The following ADAMTS17 variants were observed in gnomAD, a reference collection of about 807,000 sequenced individuals.
ADAMTS17 encodes A disintegrin and metalloproteinase with thrombospondin motifs 17.
A neutral mutation model predicts 141.5 loss-of-function variants in ADAMTS17; 113 were observed. The observed-to-expected ratio is 0.80, with a 90% CI of 0.69 to 0.93. The LOEUF is 0.93. ADAMTS17 is among the 40% of genes least tolerant of loss of function. The pLI is 0.00. For missense variants in ADAMTS17, 1,659 were observed against 1,517.9 expected (o/e 1.09, Z -1.54); for synonymous variants, 768 against 630.6 (o/e 1.22, Z -3.27).
intron 3 of ADAMTS17, among the ~76,000 whole-genome samples, chr15:100,326,539 G>A (rs1027948957): frequency 6.6e-6 from 1 of 152,206 alleles, no homozygotes; most frequent in African/African-American, 2.4e-5. Flanking sequence ...TGTTAACTGT[G>A]TGGGCTGTAA....
chr15:100,005,536 G>A (rs570699168), intron 18 of ADAMTS17, among the ~76,000 whole-genome samples: 1 of 152,042 alleles, frequency 6.6e-6, no homozygotes, highest in Non-Finnish European at 1.5e-5. Context: ...TTCTCACACT[G>A]TGTCACTCCG....
At chr15:100,126,984 A>T (rs1237024885) in intron 12 of ADAMTS17, among the ~76,000 whole-genome samples, 1 of 152,248 alleles carries the variant, frequency 6.6e-6, no homozygotes, top group Non-Finnish European at 1.5e-5. Context: ...CCCCATTTGA[A>T]GCAGGCTGTC....
intron 8 of ADAMTS17, among the ~76,000 whole-genome samples, chr15:100,157,888 C>T (rs1486364000): frequency 9.9e-5 from 14 of 141,458 alleles, no homozygotes; most frequent in African/African-American, 1.8e-4. Context: ...TAGCTATATT[C>T]TTTTTTTTTT....
chr15:99,977,946 G>A (rs1021712061), intron 20 of ADAMTS17, among the ~76,000 whole-genome samples: 4 of 152,220 alleles, frequency 2.6e-5, no homozygotes, highest in African/African-American at 9.6e-5. Context: ...TCTGAGAGCA[G>A]TCAGCAAAAC....
intron 15 of ADAMTS17, among the ~76,000 whole-genome samples, chr15:100,068,993 G>C (rs1428250878): frequency 2.0e-5 from 3 of 152,188 alleles, no homozygotes; most frequent in East Asian, 3.9e-4. Context: ...TAAAAACCTT[G>C]AAAAAAGATT....
At position 100,246,408 on chromosome 15, in the gene ADAMTS17, A is replaced by G. The variant is rs376515764; in HGVS notation, c.1075+7728T>C. On this transcript the variant is annotated intron_variant, in intron 7 of 21. Coordinates refer to ENST00000268070, the MANE Select transcript of ADAMTS17 (RefSeq NM_139057.4). ...TAAGCATACTTGATTCCCAAAATTG[A>G]AACCTTTCATAAAACCTCTCAAAAA... Among the ~76,000 whole-genome samples, 5 of 152,336 alleles carry G rather than the reference A, an allele frequency of 3.3e-5. No homozygotes were observed. The East Asian group carries it at 5.8e-4, about 18-fold the overall frequency.
intron 4 of ADAMTS17, among the ~76,000 whole-genome samples, chr15:100,266,750 G>A (rs1238741740): frequency 6.6e-6 from 1 of 152,118 alleles, no homozygotes. Flanking sequence ...CTCTCAGAGA[G>A]GTGGCCCTGA....
At chr15:100,123,240 G>A (rs2037542907) in intron 12 of ADAMTS17, among the ~76,000 whole-genome samples, 1 of 152,190 alleles carries the variant, frequency 6.6e-6, no homozygotes, top group Admixed American at 6.5e-5. Flanking sequence ...GTAGAGGGCA[G>A]GGCTCTTACT....
chr15:100,234,478 T>C lies in ADAMTS17; in HGVS notation c.1075+19658A>G, dbSNP rs560406865. Among the ~76,000 whole-genome samples the C allele has an allele frequency of 2.0e-5, 3 of 152,320 alleles. No homozygotes were observed. The South Asian group carries it at 6.2e-4, about 32-fold the overall frequency. Reference sequence around the variant, plus strand: ...CCTCTTCAAGCCCCTTCTTGCACTCTGTGACCTGTCTCATTGGCCCCATCC... The same window carrying C: ...CCTCTTCAAGCCCCTTCTTGCACTCCGTGACCTGTCTCATTGGCCCCATCC... On this transcript the variant is annotated intron_variant, in intron 7 of 21. Transcript: ENST00000268070.
At chr15:100,077,283 C>CAAAAAAAAA (rs71151934) in intron 15 of ADAMTS17, among the ~76,000 whole-genome samples, 1 of 54,606 alleles carries the variant, frequency 1.8e-5, no homozygotes, top group Admixed American at 3.8e-4. Context: ...ATCTCTACCA[C>CAAAAAAAAA]AAAAAAAAAA....
chr15:100,109,154 G>A (rs977549021), intron 13 of ADAMTS17, 38 bp from the exon 14 acceptor site: 2 of 1,576,950 alleles, frequency 1.3e-6, no homozygotes, highest in Admixed American at 1.9e-5. Context: ...GACACGGGAA[G>A]GTGTGCGTGG....
intron 15 of ADAMTS17, among the ~76,000 whole-genome samples, chr15:100,085,498 C>T (rs933761947): frequency 1.8e-4 from 27 of 151,568 alleles, no homozygotes; most frequent in African/African-American, 6.3e-4. Flanking sequence ...GAGAACACCA[C>T]AAAGATACTC....
At chr15:100,282,790 C>T (rs1428706222) in intron 3 of ADAMTS17, among the ~76,000 whole-genome samples, 2 of 152,136 alleles carry the variant, frequency 1.3e-5, no homozygotes, top group African/African-American at 4.8e-5. Flanking sequence ...ATAGATAAAG[C>T]CAACAACAGT....
chr15:100,105,698 T>C (rs779669483), intron 14 of ADAMTS17, among the ~76,000 whole-genome samples: 1 of 151,928 alleles, frequency 6.6e-6, no homozygotes, highest in Non-Finnish European at 1.5e-5. Flanking sequence ...CTTATTTTTA[T>C]TTTTTTTGAG....
At chr15:100,213,794 T>C (rs1053033960) in intron 7 of ADAMTS17, among the ~76,000 whole-genome samples, 2 of 152,218 alleles carry the variant, frequency 1.3e-5, no homozygotes, top group African/African-American at 4.8e-5. Context: ...GTTTCTCCTT[T>C]GCCCTCTCCT....
At chr15:100,318,195 T>C (rs2045624409) in intron 3 of ADAMTS17, among the ~76,000 whole-genome samples, 1 of 151,840 alleles carries the variant, frequency 6.6e-6, no homozygotes, top group South Asian at 2.1e-4. Flanking sequence ...TCATGAGGGG[T>C]AAATCATTCA....
intron 3 of ADAMTS17, among the ~76,000 whole-genome samples, chr15:100,310,193 A>C (rs548718402): frequency 6.6e-4 from 100 of 152,304 alleles, no homozygotes; most frequent in African/African-American, 2.3e-3. Context: ...AAAGGAAACC[A>C]ACAGGCCAAA....
intron 7 of ADAMTS17, among the ~76,000 whole-genome samples, chr15:100,221,872 G>A (rs538049413): frequency 4.6e-5 from 7 of 152,240 alleles, no homozygotes; most frequent in East Asian, 3.9e-4. Flanking sequence ...GGGTTGGCCC[G>A]GCCTTGCACA....
intron 7 of ADAMTS17, among the ~76,000 whole-genome samples, chr15:100,222,767 T>C (rs2042174015): frequency 6.6e-6 from 1 of 152,200 alleles, no homozygotes; most frequent in Non-Finnish European, 1.5e-5. Context: ...AACAAGAAAC[T>C]GTTCCGCCCA....
Sources: gnomAD v4.1 joint callset for allele counts (sites outside exome capture counted in the v4.1 genomes callset) on GRCh38, gnomAD v4.1.1 for gene constraint, MANE v1.5 for transcripts, NCBI Gene and HGNC (gene_info 2026-07-23, HGNC 2026-07-21) for gene names.